The following ROBO2 variants were observed in gnomAD, a reference collection of about 807,000 sequenced individuals.
The protein encoded by ROBO2 is roundabout guidance receptor 2, also known as roundabout homolog 2.
ROBO2 carries 53 observed loss-of-function variants against 160.8 expected under a neutral mutation model. The ratio of observed to expected loss-of-function variants is 0.33; its 90% CI spans 0.26 to 0.41. The LOEUF (loss-of-function observed/expected upper bound fraction) is 0.41. Ranked by LOEUF, ROBO2 falls within the 10% of genes least tolerant of loss-of-function variation. The pLI is 1.00. For missense variants in ROBO2, 1,577 were observed against 1,722.4 expected (o/e 0.92, Z 1.49); for synonymous variants, 664 against 611.7 (o/e 1.09, Z -1.26).
exon 8 of ROBO2, chr3:77,550,844 G>A: frequency 6.2e-7 from 1 of 1,612,928 alleles, no homozygotes; most frequent in Non-Finnish European, 8.5e-7. Context: ...ACCAACCCCA[G>A]CAGCCCAACA....
chr3:76,494,465 C>T lies in ROBO2; in HGVS notation c.109+556863C>T, dbSNP rs141034246. On this transcript the variant is annotated intron_variant, in intron 2 of 26. Coordinates refer to the ROBO2 transcript ENST00000487694. Reference sequence around the variant, plus strand: ...CAATTGTAGGCAAGTAACTAAACTACGGGGGGAGGCTAAAGGAAGATAGAA... The same window carrying T: ...CAATTGTAGGCAAGTAACTAAACTATGGGGGGAGGCTAAAGGAAGATAGAA... Among the ~76,000 whole-genome samples the T allele has an allele frequency of 8.5e-5, 13 of 152,156 alleles. No homozygotes were observed. In the South Asian group the frequency reaches 1.7e-3, roughly 19 times the overall value.
intron 8 of ROBO2, among the ~76,000 whole-genome samples, chr3:77,557,368 C>T (rs1365694103): frequency 6.6e-6 from 1 of 151,794 alleles, no homozygotes. Flanking sequence ...TTGATGAGCT[C>T]ATGTCACAAT....
chr3:75,955,318 T>G (rs1007333580), intron 2 of ROBO2, among the ~76,000 whole-genome samples: 1 of 151,874 alleles, frequency 6.6e-6, no homozygotes, highest in African/African-American at 2.4e-5. Flanking sequence ...GAATTCATTT[T>G]GAAATAGAAC....
rs1261853249 is a variant in ROBO2 at position 77,314,374 on chromosome 3, C to G, written c.389-163040C>G. On this transcript the variant is annotated intron_variant, in intron 2 of 25. Transcript: ENST00000461745. ...TGACTTTTTAAAGAATTGCATCCAGCATTTGGCCTTATTCTTTAAGCAGAG... is the reference window on the plus strand; with the variant it reads ...TGACTTTTTAAAGAATTGCATCCAGGATTTGGCCTTATTCTTTAAGCAGAG... Among the ~76,000 whole-genome samples the G allele has an allele frequency of 7.9e-5, 12 of 152,248 alleles. No homozygotes were observed. The East Asian group carries it at 2.3e-3, about 29-fold the overall frequency.
chr3:76,762,348 A>G (rs9841773), intron 2 of ROBO2, among the ~76,000 whole-genome samples: 126,926 of 151,330 alleles, frequency 0.84, 53,333 homozygotes, highest in Admixed American at 0.86. Context: ...AATACAATAG[A>G]ATGTACCTTT....
At chr3:76,856,781 A>G (rs1180348054) in intron 2 of ROBO2, among the ~76,000 whole-genome samples, 1 of 152,204 alleles carries the variant, frequency 6.6e-6, no homozygotes, top group Non-Finnish European at 1.5e-5. Flanking sequence ...AAAAGTCTAG[A>G]AAAAATACAG....
chr3:76,941,350 A>T (rs1330779269), intron 2 of ROBO2, among the ~76,000 whole-genome samples: 3 of 152,100 alleles, frequency 2.0e-5, no homozygotes, highest in Admixed American at 2.0e-4. Flanking sequence ...ATTTTAAATC[A>T]TTTCAAATGT....
At chr3:77,119,359 A>G (rs1399228593) in intron 2 of ROBO2, among the ~76,000 whole-genome samples, 1 of 152,196 alleles carries the variant, frequency 6.6e-6, no homozygotes, top group Admixed American at 6.5e-5. Context: ...CAATAAAAAT[A>G]CAGTATTATA....
At chr3:77,582,879 G>A (rs779199993) in intron 16 of ROBO2, among the ~76,000 whole-genome samples, 22 of 151,942 alleles carry the variant, frequency 1.4e-4, no homozygotes, top group East Asian at 1.9e-4. Context: ...AGTGGCTCAC[G>A]TCTGTAATCC....
intron 2 of ROBO2, among the ~76,000 whole-genome samples, chr3:76,381,781 A>G (rs549486380): frequency 2.0e-4 from 31 of 152,204 alleles, no homozygotes; most frequent in African/African-American, 7.5e-4. Flanking sequence ...TTTATTTTGC[A>G]GGTAGGAGAA....
chr3:77,419,558 G>T (rs1013823363), intron 2 of ROBO2, among the ~76,000 whole-genome samples: 6 of 152,082 alleles, frequency 3.9e-5, no homozygotes, highest in South Asian at 2.1e-4. Flanking sequence ...AACTCTGTGT[G>T]GTGTGATCAA....
chr3:76,066,638 AT>A (rs2068262975), intron 2 of ROBO2, among the ~76,000 whole-genome samples: 1 of 151,916 alleles, frequency 6.6e-6, no homozygotes, highest in East Asian at 1.9e-4. Context: ...TAGTCTGCCA[AT>A]TTTATATGTG....
chr3:77,177,255 C>T (rs2080246277), intron 2 of ROBO2, among the ~76,000 whole-genome samples: 1 of 151,916 alleles, frequency 6.6e-6, no homozygotes. Flanking sequence ...CTAGGCAAGT[C>T]GGAAACATAC....
At chr3:75,925,802 A>G (rs1207319154) in intron 1 of ROBO2, among the ~76,000 whole-genome samples, 1 of 152,206 alleles carries the variant, frequency 6.6e-6, no homozygotes, top group Non-Finnish European at 1.5e-5. Context: ...ATAGTCATAT[A>G]GATGAGGTAC....
intron 2 of ROBO2, among the ~76,000 whole-genome samples, chr3:76,249,785 A>G (rs1229479762): frequency 6.6e-6 from 1 of 152,148 alleles, no homozygotes; most frequent in African/African-American, 2.4e-5. Context: ...ATATTTGCAA[A>G]GATGGACTTT....
At chr3:77,408,916 T>C (rs1231588519) in intron 2 of ROBO2, among the ~76,000 whole-genome samples, 1 of 151,762 alleles carries the variant, frequency 6.6e-6, no homozygotes, top group Non-Finnish European at 1.5e-5. Flanking sequence ...AAATTTTTTA[T>C]AGAGGTAGGT....
chr3:76,882,357 T>A (rs1028812566), intron 2 of ROBO2, among the ~76,000 whole-genome samples: 3 of 152,146 alleles, frequency 2.0e-5, no homozygotes, highest in Admixed American at 1.3e-4. Context: ...ATTTCATGTG[T>A]TCCACAGCTG....
chr3:76,121,020 A>G (rs2070732379), intron 2 of ROBO2, among the ~76,000 whole-genome samples: 1 of 152,182 alleles, frequency 6.6e-6, no homozygotes, highest in Non-Finnish European at 1.5e-5. Flanking sequence ...CATAACAGCA[A>G]TAGATGACAT....
intron 2 of ROBO2, among the ~76,000 whole-genome samples, chr3:76,065,981 C>T (rs1042707481): frequency 2.6e-5 from 3 of 116,160 alleles, no homozygotes; most frequent in African/African-American, 1.1e-4. Context: ...ACCCTAAGTA[C>T]AATTTAGGAT....
Sources: gnomAD v4.1 joint callset for allele counts (sites outside exome capture counted in the v4.1 genomes callset) on GRCh38, gnomAD v4.1.1 for gene constraint, MANE v1.5 for transcripts, NCBI Gene and HGNC (gene_info 2026-07-23, HGNC 2026-07-21) for gene names.